ANKRD17: variants seen among roughly 807,000 people sequenced by gnomAD.
ANKRD17 encodes the protein ankyrin repeat domain 17, also known as ankyrin repeat domain-containing protein 17.
A neutral mutation model predicts 229.7 loss-of-function variants in ANKRD17; 19 were observed. The ratio of observed to expected loss-of-function variants is 0.08; its 90% CI spans 0.06 to 0.12. ANKRD17 has a LOEUF of 0.12. Ranked by LOEUF, ANKRD17 falls within the 10% of genes least tolerant of loss-of-function variation. The pLI is 1.00. For missense variants in ANKRD17, 2,176 were observed against 3,176.8 expected, an observed-to-expected ratio of 0.68 and a Z score of 7.57; for synonymous variants, 1,112 against 1,146.1, an observed-to-expected ratio of 0.97 and a Z score of 0.60.
chr4:73,109,117 T>C (rs1193545181), intron 24 of ANKRD17, among the ~76,000 whole-genome samples: 1 of 152,124 alleles, frequency 6.6e-6, no homozygotes, highest in Non-Finnish European at 1.5e-5. Context: ...CTGGCTAACA[T>C]GGTGAAACCC....
At chr4:73,096,990 A>G in intron 27 of ANKRD17, 127 bp downstream of exon 27, 1 of 1,123,842 alleles carries the variant, frequency 8.9e-7, no homozygotes, top group South Asian at 1.7e-5. Flanking sequence ...TCTGTTGGTC[A>G]AATTTAGCCT....
intron 1 of ANKRD17, among the ~76,000 whole-genome samples, chr4:73,220,629 G>A: frequency 6.6e-6 from 1 of 152,102 alleles, no homozygotes; most frequent in East Asian, 1.9e-4. Context: ...ATTGACTTTT[G>A]TTAACTAATA....
Position 73,100,057 on chromosome 4 carries a change from C to A in ANKRD17, c.4574-1537G>T, listed in dbSNP as rs545554859. Among the ~76,000 whole-genome samples the A allele has an allele frequency of 6.6e-4, 101 of 152,300 alleles. 1 individual carries two copies. The Middle Eastern group carries it at 0.02, about 31-fold the overall frequency. ...AACCCTCCTGCTCCTCCCTGCCCCC[C>A]AAGGTTCTGGTTCCATTTTTCCTCT... On this transcript the variant is annotated intron_variant, in intron 25 of 33. Coordinates refer to ENST00000358602, the MANE Select transcript of ANKRD17 (RefSeq NM_032217.5).
chr4:73,152,317 A>G (rs191658314), intron 6 of ANKRD17, among the ~76,000 whole-genome samples: 6 of 152,270 alleles, frequency 3.9e-5, no homozygotes, highest in South Asian at 4.1e-4. Context: ...TTCCATAAGT[A>G]AGTGTAGTAT....
chr4:73,240,806 CTT>C (rs111961579), intron 1 of ANKRD17, among the ~76,000 whole-genome samples: 21 of 127,008 alleles, frequency 1.7e-4, no homozygotes, highest in Admixed American at 3.2e-4. Flanking sequence ...AGTACTTATT[CTT>C]TTTTTTTTTT....
intron 29 of ANKRD17, among the ~76,000 whole-genome samples, chr4:73,086,919 A>AAAAAAAATATATATATATAT (rs1553911000): frequency 8.0e-5 from 1 of 12,462 alleles, no homozygotes; most frequent in Non-Finnish European, 1.8e-4. Flanking sequence ...AAAAAAAAAA[A>AAAAAAAATATATATATATAT]ATATATATAT....
chr4:73,084,027 A>G (rs1721846525), intron 30 of ANKRD17, among the ~76,000 whole-genome samples: 1 of 151,928 alleles, frequency 6.6e-6, no homozygotes, highest in South Asian at 2.1e-4. Context: ...AAACAAACAT[A>G]TCCAACCTTA....
intron 25 of ANKRD17, chr4:73,100,687 A>G: frequency 4.0e-6 from 1 of 247,344 alleles, no homozygotes; most frequent in Non-Finnish European, 6.4e-6. Flanking sequence ...ACAACTCAAA[A>G]AAAGAGAAGA....
In ANKRD17 at chr4:73,092,266, A is replaced by T; in HGVS notation, c.5362T>A (p.Leu1788Met). 6.2e-7 allele frequency: 1 copy of T among 1,613,834 alleles called. No homozygotes were observed. Among genetic ancestry groups the T allele is most frequent in the Non-Finnish European group, 8.5e-7 (1 of 1,179,898 alleles). ...GTESTRQATQLINALIKDPDK... is the reference protein window; with the variant it reads ...GTESTRQATQMINALIKDPDK... ...GGATCCTTGATCAAAGCATTAATCA[A>T]TTGAGTTGCTTGTCTTGTTGATTCA... The change falls in exon 29 of 34, where the codon TTG becomes ATG. Residue 1788 changes from leucine to methionine, a missense_variant. Transcript: ENST00000358602.
intron 1 of ANKRD17, among the ~76,000 whole-genome samples, chr4:73,186,166 T>A (rs1224829150): frequency 2.0e-5 from 3 of 152,058 alleles, no homozygotes; most frequent in Non-Finnish European, 4.4e-5. Flanking sequence ...TTTTTTATAG[T>A]CTTAAATAAG....
intron 25 of ANKRD17, 24 bp from the exon 26 acceptor site, chr4:73,098,544 T>C: frequency 1.1e-5 from 18 of 1,591,246 alleles, no homozygotes; most frequent in Non-Finnish European, 1.5e-5. Flanking sequence ...AATACTGAAT[T>C]AGCAAGTTCT....
intron 1 of ANKRD17, among the ~76,000 whole-genome samples, chr4:73,250,341 T>C (rs1744876841): frequency 6.6e-6 from 1 of 151,746 alleles, no homozygotes; most frequent in African/African-American, 2.4e-5. Flanking sequence ...GTAGCTCACA[T>C]CTGCAAGCCC....
chr4:73,125,358 G>A, intron 16 of ANKRD17, 46 bp from the exon 17 acceptor site: 1 of 1,281,570 alleles, frequency 7.8e-7, no homozygotes, highest in Non-Finnish European at 1.1e-6. Context: ...AACTTAAGAT[G>A]TTAATATCAA....
At chr4:73,199,880 T>C (rs1317833581) in intron 1 of ANKRD17, among the ~76,000 whole-genome samples, 1 of 152,174 alleles carries the variant, frequency 6.6e-6, no homozygotes, top group Non-Finnish European at 1.5e-5. Context: ...TTTCTGAAAC[T>C]AGAAAGACAT....
At chr4:73,144,884 A>G in intron 10 of ANKRD17, 52 bp from the exon 11 acceptor site, 1 of 1,282,738 alleles carries the variant, frequency 7.8e-7, no homozygotes, top group African/African-American at 1.5e-5. Context: ...GTGAACAAGT[A>G]TTCTTTTTCA....
chr4:73,160,516 C>T (rs1732392306), intron 3 of ANKRD17, among the ~76,000 whole-genome samples: 1 of 152,108 alleles, frequency 6.6e-6, no homozygotes, highest in African/African-American at 2.4e-5. Context: ...CCATGCCTGG[C>T]TTCCATTTTT....
At chr4:73,223,054 C>G in intron 1 of ANKRD17, 1 of 1,535,780 alleles carries the variant, frequency 6.5e-7, no homozygotes, top group Non-Finnish European at 8.7e-7. Flanking sequence ...ATGTTTCTTA[C>G]TGCACTATGA....
At chr4:73,255,018 T>C (rs1745336891) in intron 1 of ANKRD17, among the ~76,000 whole-genome samples, 1 of 152,166 alleles carries the variant, frequency 6.6e-6, no homozygotes, top group Non-Finnish European at 1.5e-5. Flanking sequence ...CCAAGAAAAT[T>C]ATGCATTTTC....
chr4:73,198,578 ATGT>A (rs1346929669), intron 1 of ANKRD17, among the ~76,000 whole-genome samples: 1 of 152,182 alleles, frequency 6.6e-6, no homozygotes, highest in African/African-American at 2.4e-5. Flanking sequence ...GAAAAATTAA[ATGT>A]TATTAGTCAT....
Sources: allele counts gnomAD v4.1 joint callset (sites outside exome capture counted in the v4.1 genomes callset), GRCh38; gene constraint gnomAD v4.1.1; transcripts MANE v1.5; gene names NCBI Gene and HGNC (gene_info 2026-07-23, HGNC 2026-07-21).